ACOT13: variants seen among roughly 807,000 people sequenced by gnomAD.
ACOT13 encodes acyl-coenzyme A thioesterase 13.
In ACOT13, 10 loss-of-function variants were observed where a neutral mutation model predicts 11.8. The observed-to-expected ratio is 0.85, with a 90% CI of 0.53 to 1.44. ACOT13 has a LOEUF of 1.44. Ranked by LOEUF, ACOT13 falls within the 40% of genes most tolerant of loss-of-function variation. The pLI is 0.00. For missense variants in ACOT13, 172 were observed against 174.1 expected (o/e 0.99, Z 0.07); for synonymous variants, 53 against 61.0 (o/e 0.87, Z 0.61).
intron 1 of ACOT13, among the ~76,000 whole-genome samples, chr6:24,691,613 T>G (rs534096285): frequency 2.9e-4 from 44 of 152,270 alleles, no homozygotes; most frequent in Non-Finnish European, 5.1e-4. Flanking sequence ...TCTGGAAAGA[T>G]ATCACTGAAA....
At chr6:24,670,557 C>G (rs912578596) in intron 1 of ACOT13, among the ~76,000 whole-genome samples, 22 of 152,328 alleles carry the variant, frequency 1.4e-4, no homozygotes, top group Admixed American at 5.9e-4. Flanking sequence ...GTAAAATAAT[C>G]AGTTTCTCCA....
In ACOT13 at chr6:24,701,532, G is replaced by C. The variant is rs1299529319; in HGVS notation, c.340G>C (p.Ala114Pro). 6.2e-7 allele frequency: 1 copy of C among 1,614,006 alleles called. No individual in the cohort carries two copies. The highest frequency in any genetic ancestry group is 8.5e-7 in the Non-Finnish European group (1 of 1,179,934). The stretch of plus-strand genomic sequence containing the variant: ...TGTTCTGAAGCAAGGAAAAACACTT[G>C]CATTTACCTCTGTGGATCTGACCAA... ...AHVLKQGKTL[A>P]FTSVDLTNKA... The change falls in exon 3 of 3, where the codon GCA becomes CCA. Residue 114 changes from alanine (A) to proline (P), a missense_variant. Physicochemically the swap from Ala to Pro is conservative, Grantham distance 27 (BLOSUM62 -1). Coordinates refer to ENST00000230048, the MANE Select transcript of ACOT13 (RefSeq NM_018473.4).
chr6:24,701,746 C>G lies in ACOT13; in HGVS notation c.*131C>G. On this transcript the variant is annotated 3_prime_UTR_variant, in exon 3 of 3. Transcript: ENST00000230048. The stretch of plus-strand genomic sequence containing the variant: ...AGAAATATTCTTGGAGGAAAAGGAC[C>G]TGGATATCAAGTAGGGTAAAGGTGG... The G allele has an allele frequency of 4.2e-6, 4 of 958,854 alleles. No homozygotes were observed. Among genetic ancestry groups the G allele is most frequent in the Admixed American group, 3.2e-5 (1 of 31,228 alleles). The allele number at this position is 958,854 out of a possible 1,614,324, so 59.4% of individuals were successfully genotyped here.
intron 1 of ACOT13, among the ~76,000 whole-genome samples, chr6:24,692,896 T>G (rs2127627199): frequency 6.6e-6 from 1 of 152,320 alleles, no homozygotes; most frequent in East Asian, 1.9e-4. Flanking sequence ...GAAACATACA[T>G]TATAAAGCAG....
intron 2 of ACOT13, among the ~76,000 whole-genome samples, chr6:24,700,480 G>T (rs920846328): frequency 1.5e-5 from 2 of 131,476 alleles, no homozygotes; most frequent in African/African-American, 3.0e-5. Flanking sequence ...CTGTTGCCCA[G>T]GCTGGAGTCC....
At chr6:24,675,124 T>C (rs1778432731) in intron 1 of ACOT13, among the ~76,000 whole-genome samples, 1 of 152,174 alleles carries the variant, frequency 6.6e-6, no homozygotes, top group South Asian at 2.1e-4. Flanking sequence ...CTTATTCCAG[T>C]CTATCATTCA....
At chr6:24,671,143 C>T (rs1047664091) in intron 1 of ACOT13, among the ~76,000 whole-genome samples, 2 of 152,168 alleles carry the variant, frequency 1.3e-5, no homozygotes, top group East Asian at 1.9e-4. Context: ...AATCATGCTA[C>T]GATAAAGACA....
chr6:24,687,236 C>T (rs1388737538), intron 1 of ACOT13, among the ~76,000 whole-genome samples: 2 of 152,212 alleles, frequency 1.3e-5, no homozygotes, highest in Non-Finnish European at 2.9e-5. Flanking sequence ...GCTCTGGCTA[C>T]CACCATTCTA....
At chr6:24,671,979 C>T (rs1299235446) in intron 1 of ACOT13, among the ~76,000 whole-genome samples, 1 of 152,180 alleles carries the variant, frequency 6.6e-6, no homozygotes, top group African/African-American at 2.4e-5. Context: ...ACAATGCTTC[C>T]TGTGTAATTT....
chr6:24,698,054 G>A lies in ACOT13; in HGVS notation c.253G>A (p.Asp85Asn), dbSNP rs1778827460. The A allele has an allele frequency of 3.7e-6, 6 of 1,607,296 alleles. No individual in the cohort carries two copies. In the African/African-American group the frequency reaches 4.0e-5, roughly 11 times the overall value. The change falls in exon 2 of 3, where the codon GAT (aspartate) becomes AAT (asparagine). Residue 85 changes from aspartate to asparagine, a missense_variant. Coordinates refer to ENST00000230048, the MANE Select transcript of ACOT13 (RefSeq NM_018473.4). ...TERGAPGVSV[D>N]MNITYMSPAK... ...AAGGGGAGCACCCGGAGTCAGTGTC[G>A]ATATGAACATAACGTATGTATCCAA...
intron 1 of ACOT13, among the ~76,000 whole-genome samples, chr6:24,674,123 C>T (rs1778407281): frequency 6.6e-6 from 1 of 151,570 alleles, no homozygotes; most frequent in Non-Finnish European, 1.5e-5. Context: ...AGGCAATGGC[C>T]CGATCTTGGC....
chr6:24,695,675 A>C (rs908147852), intron 1 of ACOT13, among the ~76,000 whole-genome samples: 1 of 152,162 alleles, frequency 6.6e-6, no homozygotes, highest in African/African-American at 2.4e-5. Flanking sequence ...GAATCACATA[A>C]ATGTGTGAAT....
intron 1 of ACOT13, among the ~76,000 whole-genome samples, chr6:24,680,062 A>G (rs6928074): frequency 0.39 from 59,744 of 151,882 alleles, 12,776 homozygotes; most frequent in Non-Finnish European, 0.5. Context: ...TATTAGTTGC[A>G]GAAGGAGTCG....
chr6:24,675,424 A>C (rs554108185), intron 1 of ACOT13, among the ~76,000 whole-genome samples: 158 of 152,208 alleles, frequency 1.0e-3, no homozygotes, highest in Non-Finnish European at 1.9e-3. Flanking sequence ...TCACCATTCT[A>C]ACTGGTGTGA....
chr6:24,691,722 C>T (rs1377472707), intron 1 of ACOT13, among the ~76,000 whole-genome samples: 3 of 152,132 alleles, frequency 2.0e-5, no homozygotes, highest in African/African-American at 4.8e-5. Flanking sequence ...TCAGACTTTC[C>T]ATTGCTGTGC....
intron 1 of ACOT13, among the ~76,000 whole-genome samples, chr6:24,671,144 G>A (rs980605832): frequency 4.6e-5 from 7 of 152,134 alleles, no homozygotes; most frequent in Middle Eastern, 3.4e-3. Flanking sequence ...ATCATGCTAC[G>A]ATAAAGACAC....
Position 24,667,243 on chromosome 6 carries a change from A to G in ACOT13, c.-21A>G. The G allele has an allele frequency of 6.2e-7, 1 of 1,613,244 alleles. No individual in the cohort carries two copies. The highest frequency in any genetic ancestry group is 1.1e-5 in the South Asian group (1 of 90,860). On this transcript the variant is annotated 5_prime_UTR_variant, in exon 1 of 3. Coordinates refer to ENST00000230048, the MANE Select transcript of ACOT13 (RefSeq NM_018473.4). ...GAAGTTCGTTCTTGCGCAAAGCCCA[A>G]AGGCTGGAAAACCGTCCACGATGAC...
In ACOT13 at chr6:24,667,144, G is replaced by C; in HGVS notation, c.-120G>C. On this transcript the variant is annotated 5_prime_UTR_variant, in exon 1 of 3. Transcript: ENST00000230048. ...CTCCCGGCCTCTTGCGCTCCTAGGG[G>C]CGGAGAAGGGTGCGGGCTCTTCGCC... is the stretch of plus-strand genomic sequence containing the variant. The C allele has an allele frequency of 1.0e-5, 11 of 1,075,872 alleles. No individual in the cohort carries two copies. The South Asian group carries it at 1.5e-4, about 14-fold the overall frequency. The allele number at this position is 1,075,872 out of a possible 1,614,324, so 66.6% of individuals were successfully genotyped here.
intron 1 of ACOT13, among the ~76,000 whole-genome samples, chr6:24,680,759 C>T (rs558062640): frequency 1.7e-4 from 26 of 152,270 alleles, no homozygotes; most frequent in Admixed American, 5.2e-4. Flanking sequence ...AAGATGCATT[C>T]CCATAAACAA....
Sources: allele counts gnomAD v4.1 joint callset (sites outside exome capture counted in the v4.1 genomes callset), GRCh38; gene constraint gnomAD v4.1.1; transcripts MANE v1.5; gene names NCBI Gene and HGNC (gene_info 2026-07-23, HGNC 2026-07-21).